KCNAB3: variants seen among roughly 807,000 people sequenced by gnomAD.
The protein encoded by KCNAB3 is voltage-gated potassium channel subunit beta-3.
In KCNAB3, 62 loss-of-function variants were observed where a neutral mutation model predicts 67.7. The ratio of observed to expected loss-of-function variants is 0.92; its 90% CI spans 0.75 to 1.13. KCNAB3 has a LOEUF of 1.13. Ranked by LOEUF, KCNAB3 falls within the 50% of genes most tolerant of loss-of-function variation. KCNAB3 has a pLI of 0.00. For missense variants in KCNAB3, 514 were observed against 522.9 expected (o/e 0.98, Z 0.17); for synonymous variants, 212 against 205.4 (o/e 1.03, Z -0.27).
At chr17:7,924,303 C>T (rs1284889559) in intron 9 of KCNAB3, 38 bp from the exon 10 acceptor site, 1 of 1,612,870 alleles carries the variant, frequency 6.2e-7, no homozygotes, top group Non-Finnish European at 8.5e-7. Flanking sequence ...GGTCAGAGCA[C>T]TACTTCCGTT....
chr17:7,924,387 CAG>C, intron 9 of KCNAB3, 26 bp downstream of exon 9: 3 of 1,610,956 alleles, frequency 1.9e-6, no homozygotes, highest in Non-Finnish European at 2.5e-6. Flanking sequence ...AGTTGTGGGA[CAG>C]GGGCAAGGTG....
At position 7,925,182 on chromosome 17, in the gene KCNAB3, G is replaced by A; in HGVS notation, c.540C>T (p.Gly180=). The A allele has an allele frequency of 6.2e-7, 1 of 1,613,016 alleles. No homozygotes were observed. Among genetic ancestry groups the A allele is most frequent in the Non-Finnish European group, 8.5e-7 (1 of 1,179,218 alleles). Residue 180 remains glycine, a splice_region_variant and synonymous_variant, in exon 8 of 14, where the codon GGC becomes GGT. Coordinates refer to ENST00000303790, the MANE Select transcript of KCNAB3 (RefSeq NM_004732.4). ...GGAGGCGTTCCAGGGATCCTCGCAA[G>A]CCTGGAGGTGGGGTAGGGAGAAGAA... ...RGLSRKHIIE[G]LRGSLERLQL...
chr17:7,924,647 T>C (rs1972166625), intron 8 of KCNAB3, 147 bp from the exon 9 acceptor site: 1 of 1,396,814 alleles, frequency 7.2e-7, no homozygotes, highest in South Asian at 1.8e-5. Context: ...TCTCTTCCTG[T>C]CCACATCCTG....
rs764228447 is a variant in KCNAB3, at chr17:7,929,114, G to A, written c.242+80C>T. On this transcript the variant is annotated intron_variant, in intron 1 of 13. Coordinates refer to ENST00000303790, the MANE Select transcript of KCNAB3 (RefSeq NM_004732.4). The surrounding 1 kb of genome is among the most constrained non-coding windows in gnomAD (Gnocchi z 5.7). ...AGACCTACTTAGTGAAGTTTGAAGG[G>A]GTCTTGGCGGCCATCTCAAGCAGTC... 6.4e-7 allele frequency: 1 copy of A among 1,564,118 alleles called. No homozygotes were observed. The highest frequency in any genetic ancestry group is 1.4e-5 in the African/African-American group (1 of 72,822).
chr17:7,924,221 C>T lies in KCNAB3; in HGVS notation c.756G>A (p.Val252=), dbSNP rs771556030. The change falls in exon 10 of 14, where the codon GTG becomes GTA. Residue 252 remains valine, a synonymous_variant. Transcript: ENST00000303790. ...MARQFNLIPP[V]CEQAEHHLFQ... Reference sequence around the variant, plus strand: ...ACAGATGGTGCTCCGCTTGTTCACACACTGGAGGAATCAGATTGAACTGTC... The same window carrying T: ...ACAGATGGTGCTCCGCTTGTTCACATACTGGAGGAATCAGATTGAACTGTC... The T allele has an allele frequency of 2.2e-5, 36 of 1,614,118 alleles. 1 individual carries two copies. In the South Asian group the frequency reaches 3.7e-4, roughly 17 times the overall value.
In KCNAB3 at chr17:7,929,332, G is replaced by A; in HGVS notation, c.104C>T (p.Pro35Leu). Residue 35 changes from proline (P) to leucine (L), a missense_variant, in exon 1 of 14, where the codon CCG (proline) becomes CTG (leucine). Pro to Leu is a moderately conservative substitution (Grantham distance 98, BLOSUM62 -3). Transcript: ENST00000303790. This position sits in a 1 kb window ranked among gnomAD's most constrained non-coding sequence, Gnocchi z 5.7. ...AGGATTCCCGTGCCCCCCGCCGGCC[G>A]GCCCACCATTACCGCCCCCGGGGCC... is the stretch of plus-strand genomic sequence containing the variant. The part of the protein sequence containing the change: ...RPGPGGGNGG[P>L]AGGGHGNPPG... 5 of 1,550,862 alleles carry A rather than the reference G, an allele frequency of 3.2e-6. No homozygotes were observed. Among genetic ancestry groups the A allele is most frequent in the Non-Finnish European group, 4.4e-6 (5 of 1,147,656 alleles).
At position 7,923,022 on chromosome 17, in the gene KCNAB3, G is replaced by T. The variant is rs1298523744; in HGVS notation, c.*80C>A. 1 of 1,377,538 alleles carries T rather than the reference G, an allele frequency of 7.3e-7. No individual in the cohort carries two copies. Among genetic ancestry groups the T allele is most frequent in the Non-Finnish European group, 1.0e-6 (1 of 966,054 alleles). The allele number at this position is 1,377,538 out of a possible 1,614,324, so 85.3% of individuals were successfully genotyped here. ...CTCCGGCCGCTGCGTGGAGGGATCC[G>T]GAGCGGGAGAGGCGGCTGCGAGGAG... On this transcript the variant is annotated 3_prime_UTR_variant, in exon 14 of 14. Coordinates refer to ENST00000303790, the MANE Select transcript of KCNAB3 (RefSeq NM_004732.4).
At chr17:7,928,658 G>A (rs923918253) in intron 1 of KCNAB3, among the ~76,000 whole-genome samples, 1 of 152,180 alleles carries the variant, frequency 6.6e-6, no homozygotes, top group African/African-American at 2.4e-5. Flanking sequence ...TTACATTTCA[G>A]TCTACCCAGA....
At position 7,929,200 on chromosome 17, in the gene KCNAB3, T is replaced by G. The variant is rs550247502; in HGVS notation, c.236A>C (p.Lys79Thr). ...RESTGRGTGM[K>T]YRNLGKSGLR... Reference sequence around the variant, plus strand: ...TGCCCGGCCACCCCCATACCTGTATTTCATGCCAGTGCCTCGGCCGGTGCT... The same window carrying G: ...TGCCCGGCCACCCCCATACCTGTATGTCATGCCAGTGCCTCGGCCGGTGCT... The change falls in exon 1 of 14, where the codon AAA (lysine) becomes ACA (threonine). Residue 79 changes from lysine (K) to threonine (T), a missense_variant. Lys to Thr is a moderately conservative substitution (Grantham distance 78). Transcript: ENST00000303790. This position sits in a 1 kb window ranked among gnomAD's most constrained non-coding sequence, Gnocchi z 5.7. 1.4e-5 allele frequency: 23 copies of G among 1,611,712 alleles called. No homozygotes were observed. The highest frequency in any genetic ancestry group is 3.3e-5 in the Admixed American group (2 of 59,942).
Position 7,924,462 on chromosome 17 carries a change from G to A in KCNAB3, c.664C>T (p.Leu222=). The A allele has an allele frequency of 1.2e-6, 2 of 1,614,118 alleles. No homozygotes were observed. The highest frequency in any genetic ancestry group is 1.1e-5 in the South Asian group (1 of 91,072). Residue 222 remains leucine (L), a synonymous_variant, in exon 9 of 14, where the codon CTG becomes TTG. Transcript: ENST00000303790. ...RAMTYVINQG[L]ALYWGTSRWG... is the part of the protein sequence containing the mutation. Reference sequence around the variant, plus strand: ...CGGGATGTCCCCCAGTATAGGGCCAGGCCCTGGTTGATGACATAGGTCATG... The same window carrying A: ...CGGGATGTCCCCCAGTATAGGGCCAAGCCCTGGTTGATGACATAGGTCATG...
chr17:7,927,263 T>G, intron 4 of KCNAB3, 81 bp downstream of exon 4: 1 of 1,336,880 alleles, frequency 7.5e-7, no homozygotes, highest in Non-Finnish European at 1.1e-6. Flanking sequence ...CCAGGGTTCT[T>G]TAGAGGGAAA....
In KCNAB3 at chr17:7,922,949, G is replaced by T. The variant is rs1972083670; in HGVS notation, c.*153C>A. ...CAAAAGGATATGGCTTTGTTCATGC[G>T]TATCACTACTCGAAGCCGGGACTCG... On this transcript the variant is annotated 3_prime_UTR_variant, in exon 14 of 14. Coordinates refer to ENST00000303790, the MANE Select transcript of KCNAB3 (RefSeq NM_004732.4). 1.4e-6 allele frequency: 1 copy of T among 693,690 alleles called. No homozygotes were observed. Among genetic ancestry groups the T allele is most frequent in the Non-Finnish European group, 2.6e-6 (1 of 386,910 alleles). The allele number at this position is 693,690 out of a possible 1,614,324, so 43.0% of individuals were successfully genotyped here.
chr17:7,929,464 TCCGAGGGGACGGGA>T lies in KCNAB3; in HGVS notation c.-43_-30del. 7.7e-7 allele frequency: 1 copy of T among 1,299,196 alleles called. No homozygotes were observed. Among genetic ancestry groups the T allele is most frequent in the Non-Finnish European group, 1.1e-6 (1 of 934,152 alleles). 80.5% of individuals were successfully genotyped at this position (1,299,196 alleles called of 1,614,324 possible). A position where few individuals can be genotyped will look rare whatever the true frequency, so the allele number is the denominator to read the frequency against. On this transcript the variant is annotated 5_prime_UTR_variant, in exon 1 of 14. Transcript: ENST00000303790. This position sits in a 1 kb window ranked among gnomAD's most constrained non-coding sequence, Gnocchi z 5.7. ...GGCTGGCCGAGGCGGGGGAGGGGGC[TCCGAGGGGACGGGA>T]GGGGGGAGCAGGGAAGCCCGAGGGC...
Position 7,929,820 on chromosome 17 carries a change from G to GA in KCNAB3, c.-386_-385insT. ...TTCAGCGCGAACCGCTGCGGGACCC[G>GA]CTGGGCTCCCAGCCGCGTCGGCAGC... On this transcript the variant is annotated 5_prime_UTR_variant, in exon 1 of 14. Coordinates refer to ENST00000303790, the MANE Select transcript of KCNAB3 (RefSeq NM_004732.4). The surrounding 1 kb of genome is among the most constrained non-coding windows in gnomAD (Gnocchi z 5.7). The GA allele has an allele frequency of 4.9e-6, 5 of 1,022,706 alleles. No individual in the cohort carries two copies. The highest frequency in any genetic ancestry group is 3.7e-5 in the South Asian group (1 of 27,032). The allele number at this position is 1,022,706 out of a possible 1,614,324, so 63.4% of individuals were successfully genotyped here.
At position 7,923,728 on chromosome 17, in the gene KCNAB3, A is replaced by C; in HGVS notation, c.1031T>G (p.Val344Gly). 1 of 1,564,264 alleles carries C rather than the reference A, an allele frequency of 6.4e-7. No individual in the cohort carries two copies. The highest frequency in any genetic ancestry group is 8.7e-7 in the Non-Finnish European group (1 of 1,153,420). The change falls in exon 12 of 14, where the codon GTG (valine) becomes GGG (glycine). Residue 344 changes from valine (V) to glycine (G), a missense_variant. Transcript: ENST00000303790. ...TGTCTCACCAATAGCAAGCTGGGCCACGGTGCAGCCCAGCTGGTGAGCGAC... is the reference window on the plus strand; with the variant it reads ...TGTCTCACCAATAGCAAGCTGGGCCCCGGTGCAGCCCAGCTGGTGAGCGAC... ...LPVAHQLGCT[V>G]AQLAIAWCLR...
chr17:7,925,008 C>T (rs1194684631), intron 8 of KCNAB3, 89 bp downstream of exon 8: 25 of 1,217,818 alleles, frequency 2.1e-5, no homozygotes, highest in African/African-American at 9.0e-5. Flanking sequence ...GGCCTCCCAA[C>T]GTCCTGGGAT....
rs1024497960 is a variant in KCNAB3, at chr17:7,922,925, A to G, written c.*177T>C. On this transcript the variant is annotated 3_prime_UTR_variant, in exon 14 of 14. Transcript: ENST00000303790. The stretch of plus-strand genomic sequence containing the variant: ...CTACTTTCTCTCTCGACCCCACTGC[A>G]AAAGGATATGGCTTTGTTCATGCGT... The G allele has an allele frequency of 7.8e-5, 49 of 625,326 alleles. No homozygotes were observed. The highest frequency in any genetic ancestry group is 5.6e-4 in the South Asian group (31 of 55,508). 38.7% of individuals were successfully genotyped at this position (625,326 alleles called of 1,614,324 possible).
At position 7,929,817 on chromosome 17, in the gene KCNAB3, C is replaced by CCA; in HGVS notation, c.-383_-382insTG. 4 of 1,020,402 alleles carry CCA rather than the reference C, an allele frequency of 3.9e-6. No individual in the cohort carries two copies. Among genetic ancestry groups the CCA allele is most frequent in the Non-Finnish European group, 3.5e-6 (3 of 852,978 alleles). 63.2% of individuals were successfully genotyped at this position (1,020,402 alleles called of 1,614,324 possible). A position where few individuals can be genotyped will look rare whatever the true frequency, so the allele number is the denominator to read the frequency against. The stretch of plus-strand genomic sequence containing the variant: ...CACTTCAGCGCGAACCGCTGCGGGA[C>CCA]CCGCTGGGCTCCCAGCCGCGTCGGC... On this transcript the variant is annotated 5_prime_UTR_variant, in exon 1 of 14. Coordinates refer to ENST00000303790, the MANE Select transcript of KCNAB3 (RefSeq NM_004732.4). The surrounding 1 kb of genome is among the most constrained non-coding windows in gnomAD (Gnocchi z 5.7).
chr17:7,923,823 C>T lies in KCNAB3; in HGVS notation c.936G>A (p.Gln312=). 1 of 1,573,610 alleles carries T rather than the reference C, an allele frequency of 6.4e-7. No homozygotes were observed. Among genetic ancestry groups the T allele is most frequent in the Non-Finnish European group, 8.6e-7 (1 of 1,159,100 alleles). ...CACTCTGCACTTTGTCCTTGAGCCACTGGTAGCCCTGGAGGCCAAGAAGAA... is the reference window on the plus strand; with the variant it reads ...CACTCTGCACTTTGTCCTTGAGCCATTGGTAGCCCTGGAGGCCAAGAAGAA... The part of the protein sequence containing the change: ...DTCRASIKGY[Q]WLKDKVQSED... The change falls in exon 12 of 14, where the codon CAG becomes CAA. Residue 312 remains glutamine, a synonymous_variant. Transcript: ENST00000303790.
Sources: gnomAD v4.1 joint callset for allele counts (sites outside exome capture counted in the v4.1 genomes callset) on GRCh38, gnomAD v4.1.1 for gene constraint, Gnocchi (gnomAD v3.1) non-coding constraint, MANE v1.5 for transcripts, NCBI Gene and HGNC (gene_info 2026-07-23, HGNC 2026-07-21) for gene names.